The following RSBN1L variants were observed in gnomAD, a reference collection of about 807,000 sequenced individuals.
RSBN1L encodes lysine-specific demethylase RSBN1L.
A neutral mutation model predicts 67.7 loss-of-function variants in RSBN1L; 30 were observed. The observed-to-expected ratio is 0.44, with a 90% CI of 0.33 to 0.60. The LOEUF is 0.60. Among genes scored for constraint, RSBN1L ranks in the 20% least tolerant of loss-of-function variants. RSBN1L has a pLI of 0.02. For synonymous variants in RSBN1L, 433 were observed against 387.0 expected (o/e 1.12, Z -1.39); for missense variants, 992 against 1,031.7 (o/e 0.96, Z 0.53).
At position 77,722,822 on chromosome 7, in the gene RSBN1L, C is replaced by T. The variant is rs780657525; in HGVS notation, c.587-13588C>T. 4.0e-5 allele frequency among the ~76,000 whole-genome samples: 6 copies of T among 151,764 alleles called. No homozygotes were observed. In the East Asian group the frequency reaches 7.7e-4, roughly 20 times the overall value. Reference sequence around the variant, plus strand: ...TCAGTTCAGTTGATTTCATGGACTGCGTTATTATGGTGTGAATTATGGCTC... The same window carrying T: ...TCAGTTCAGTTGATTTCATGGACTGTGTTATTATGGTGTGAATTATGGCTC... On this transcript the variant is annotated intron_variant, in intron 1 of 7. Coordinates refer to ENST00000334955, the MANE Select transcript of RSBN1L (RefSeq NM_198467.3).
intron 1 of RSBN1L, among the ~76,000 whole-genome samples, 199 bp from the exon 2 acceptor site, chr7:77,736,211 C>T (rs1791334318): frequency 6.6e-6 from 1 of 151,950 alleles, no homozygotes; most frequent in African/African-American, 2.4e-5. Flanking sequence ...TACATTTTGA[C>T]AATATGTATT....
rs1791976595 is a variant in RSBN1L at position 77,779,902 on chromosome 7, C to T, written c.*734C>T. The T allele has an allele frequency of 6.6e-6, 1 of 150,518 alleles. No individual in the cohort carries two copies. The highest frequency in any genetic ancestry group is 2.5e-5 in the African/African-American group (1 of 40,774). 9.3% of individuals were successfully genotyped at this position (150,518 alleles called of 1,614,324 possible). A position where few individuals can be genotyped will look rare whatever the true frequency, so the allele number is the denominator to read the frequency against. On this transcript the variant is annotated 3_prime_UTR_variant, in exon 8 of 8. Coordinates refer to ENST00000334955, the MANE Select transcript of RSBN1L (RefSeq NM_198467.3). ...GGAGTTCAGTGGTGCGATCTCGGCT[C>T]ACTGCAACCTCTGCCTCTCGGGTTC...
chr7:77,737,114 A>G (rs1199058036), intron 2 of RSBN1L, among the ~76,000 whole-genome samples: 2 of 152,280 alleles, frequency 1.3e-5, no homozygotes, highest in Middle Eastern at 3.4e-3. Flanking sequence ...TGGTTGGGTA[A>G]TAAGTATACT....
chr7:77,719,677 A>T (rs983069824), intron 1 of RSBN1L, among the ~76,000 whole-genome samples: 5 of 152,188 alleles, frequency 3.3e-5, no homozygotes, highest in African/African-American at 1.2e-4. Flanking sequence ...ATCTTTTCTG[A>T]TAGTTTAGTG....
In RSBN1L at chr7:77,749,650, C is replaced by T. The variant is rs756581482; in HGVS notation, c.930C>T (p.Thr310=). 1.2e-6 allele frequency: 2 copies of T among 1,613,988 alleles called. No individual in the cohort carries two copies. Among genetic ancestry groups the T allele is most frequent in the East Asian group, 4.5e-5 (2 of 44,860 alleles). The stretch of plus-strand genomic sequence containing the variant: ...ATTACGTTGGGAAGAATTTGGATAC[C>T]AAGAACTATGATTCCAAAATTCCAG... ...IKDYVGKNLD[T]KNYDSKIPEN... is the part of the protein sequence containing the mutation. The change falls in exon 3 of 8, where the codon ACC becomes ACT. Residue 310 remains threonine (T), a synonymous_variant. Coordinates refer to ENST00000334955, the MANE Select transcript of RSBN1L (RefSeq NM_198467.3).
At chr7:77,765,467 AC>A in intron 3 of RSBN1L, 27 bp from the exon 4 acceptor site, 2 of 1,503,304 alleles carry the variant, frequency 1.3e-6, no homozygotes, top group Non-Finnish European at 1.8e-6. Flanking sequence ...AACGTATTTA[AC>A]TTTTAATTAA....
intron 6 of RSBN1L, among the ~76,000 whole-genome samples, chr7:77,776,093 A>G (rs1398758929): frequency 2.6e-5 from 4 of 152,186 alleles, no homozygotes; most frequent in African/African-American, 7.2e-5. Flanking sequence ...TTAGGGATAT[A>G]GTGCTCTATA....
intron 2 of RSBN1L, among the ~76,000 whole-genome samples, chr7:77,738,204 G>C (rs558746636): frequency 2.0e-5 from 3 of 152,180 alleles, no homozygotes; most frequent in African/African-American, 7.2e-5. Context: ...AGCCTCATAT[G>C]TTCTTGATTG....
intron 3 of RSBN1L, among the ~76,000 whole-genome samples, chr7:77,762,152 A>G (rs4727492): frequency 0.58 from 87,456 of 152,070 alleles, 27,023 homozygotes; most frequent in African/African-American, 0.81. Flanking sequence ...TATATGTTTT[A>G]TATGTATTTT....
rs1289826460 is a variant in RSBN1L, at chr7:77,736,391, C to G, written c.587-19C>G. On this transcript the variant is annotated intron_variant, in intron 1 of 7. Coordinates refer to ENST00000334955, the MANE Select transcript of RSBN1L (RefSeq NM_198467.3). ...TGTAATTTTTTCATTTTAAATATTTCCTTTGTTTTGTCTTCCAGATAAAAT... is the reference window on the plus strand; with the variant it reads ...TGTAATTTTTTCATTTTAAATATTTGCTTTGTTTTGTCTTCCAGATAAAAT... 2 of 974,654 alleles carry G rather than the reference C, an allele frequency of 2.1e-6. No individual in the cohort carries two copies. The highest frequency in any genetic ancestry group is 1.7e-5 in the African/African-American group (1 of 57,390). The allele number at this position is 974,654 out of a possible 1,614,324, so 60.4% of individuals were successfully genotyped here.
intron 1 of RSBN1L, among the ~76,000 whole-genome samples, chr7:77,705,510 G>GTTTTTTTTTTT (rs56187940): frequency 3.9e-4 from 43 of 111,468 alleles, no homozygotes; most frequent in African/African-American, 8.4e-4. Context: ...CATTGTAATG[G>GTTTTTTTTTTT]TTTTTTTTTT....
chr7:77,768,331 T>A (rs1338360537), intron 4 of RSBN1L: 1 of 179,152 alleles, frequency 5.6e-6, no homozygotes, highest in African/African-American at 2.3e-5. Context: ...TAGATTCTTA[T>A]GAGAGCACTT....
At chr7:77,700,620 A>C (rs1182595402) in intron 1 of RSBN1L, among the ~76,000 whole-genome samples, 3 of 152,190 alleles carry the variant, frequency 2.0e-5, no homozygotes, top group Admixed American at 6.5e-5. Flanking sequence ...TTTTAGGTTA[A>C]ATTCATATTC....
chr7:77,712,502 C>T (rs1386732356), intron 1 of RSBN1L, among the ~76,000 whole-genome samples: 1 of 152,154 alleles, frequency 6.6e-6, no homozygotes, highest in Non-Finnish European at 1.5e-5. Flanking sequence ...TGGTCTTAAA[C>T]TCCTGACCTC....
intron 3 of RSBN1L, among the ~76,000 whole-genome samples, chr7:77,764,144 C>T (rs1245395778): frequency 6.6e-6 from 1 of 152,126 alleles, no homozygotes; most frequent in African/African-American, 2.4e-5. Context: ...TCCATGTTTG[C>T]CTGAAATACA....
At chr7:77,759,431 A>G (rs1052730288) in intron 3 of RSBN1L, among the ~76,000 whole-genome samples, 4 of 152,102 alleles carry the variant, frequency 2.6e-5, no homozygotes, top group East Asian at 1.9e-4. Context: ...TTGGTTAAAT[A>G]TTGCCTATTT....
rs970724069 is a variant in RSBN1L at position 77,773,049 on chromosome 7, A to G, written c.1626-98A>G. On this transcript the variant is annotated intron_variant, in intron 5 of 7. Coordinates refer to ENST00000334955, the MANE Select transcript of RSBN1L (RefSeq NM_198467.3). ...TAAAGATAGAATTTGATTTGAGAGC[A>G]AATTTCATATATTTTTGTCTGAATT... 4.9e-6 allele frequency: 3 copies of G among 611,270 alleles called. No homozygotes were observed. In the African/African-American group the frequency reaches 5.5e-5, roughly 11 times the overall value. The allele number at this position is 611,270 out of a possible 1,614,324, so 37.9% of individuals were successfully genotyped here.
intron 1 of RSBN1L, among the ~76,000 whole-genome samples, chr7:77,709,180 G>A (rs531318130): frequency 0.02 from 2,620 of 133,074 alleles, 89 homozygotes; most frequent in African/African-American, 0.073. Context: ...GTGTGTGTGT[G>A]TGTGTGTGTG....
intron 3 of RSBN1L, 94 bp downstream of exon 3, chr7:77,750,158 A>G: frequency 1.4e-6 from 1 of 693,912 alleles, no homozygotes; most frequent in Non-Finnish European, 2.2e-6. Context: ...TGAAATAAAA[A>G]GGTAAGAATA....
Sources: gnomAD v4.1 joint callset for allele counts (sites outside exome capture counted in the v4.1 genomes callset) on GRCh38, gnomAD v4.1.1 for gene constraint, MANE v1.5 for transcripts, NCBI Gene and HGNC (gene_info 2026-07-23, HGNC 2026-07-21) for gene names.